Variants in SAXO2 observed in about 807,000 individuals in gnomAD.
The protein encoded by SAXO2 is family with sequence similarity 154, member B.
A neutral mutation model predicts 18.7 loss-of-function variants in SAXO2; 17 were observed. That is an observed-to-expected ratio of 0.91 (90% confidence interval 0.62 to 1.36). The LOEUF (loss-of-function observed/expected upper bound fraction) is 1.36, where lower values mean the gene tolerates loss of function less well. SAXO2 is among the 40% of genes most tolerant of loss of function. SAXO2 has a pLI of 0.00. For missense variants in SAXO2, 486 were observed against 562.6 expected, an observed-to-expected ratio of 0.86 and a Z score of 1.38; for synonymous variants, 163 against 181.2, an observed-to-expected ratio of 0.90 and a Z score of 0.81.
Position 82,282,294 on chromosome 15 carries a change from C to G in SAXO2, c.609C>G (p.Ala203=). Reference sequence around the variant, plus strand: ...CCTCTGTGGTCAAACGTTCTACAGCCCCTTTTAATGGTATTACAAGTCATC... The same window carrying G: ...CCTCTGTGGTCAAACGTTCTACAGCGCCTTTTAATGGTATTACAAGTCATC... The part of the protein sequence containing the change: ...KPSSVVKRST[A]PFNGITSHRL... Residue 203 remains alanine, a synonymous_variant, in exon 4 of 4, where the codon GCC becomes GCG. Coordinates refer to ENST00000682753, the MANE Select transcript of SAXO2 (RefSeq NM_001348699.2). 6.2e-7 allele frequency: 1 copy of G among 1,614,122 alleles called. No individual in the cohort carries two copies. Among genetic ancestry groups the G allele is most frequent in the African/African-American group, 1.3e-5 (1 of 75,036 alleles).
At chr15:82,265,921 TTAAG>T (rs1596025780) in intron 2 of SAXO2, among the ~76,000 whole-genome samples, 173 bp downstream of exon 2, 1 of 151,636 alleles carries the variant, frequency 6.6e-6, no homozygotes, top group Non-Finnish European at 1.5e-5. Flanking sequence ...AAAATGAGAA[TTAAG>T]TTAGGTTGAC....
intron 3 of SAXO2, among the ~76,000 whole-genome samples, chr15:82,281,415 C>T (rs1165704387): frequency 1.3e-5 from 2 of 152,032 alleles, no homozygotes; most frequent in African/African-American, 4.8e-5. Flanking sequence ...TGAAATTCTA[C>T]AATTTCAAAC....
chr15:82,282,302 A>G lies in SAXO2; in HGVS notation c.617A>G (p.Asn206Ser), dbSNP rs1248046974. 2 of 1,614,172 alleles carry G rather than the reference A, an allele frequency of 1.2e-6. No homozygotes were observed. The highest frequency in any genetic ancestry group is 1.7e-6 in the Non-Finnish European group (2 of 1,180,030). The change falls in exon 4 of 4, where the codon AAT becomes AGT. Residue 206 changes from asparagine (N) to serine (S), a missense_variant. Transcript: ENST00000682753. ...SVVKRSTAPFNGITSHRLDYI... is the reference protein window; with the variant it reads ...SVVKRSTAPFSGITSHRLDYI... ...GTCAAACGTTCTACAGCCCCTTTTA[A>G]TGGTATTACAAGTCATCGCCTTGAT...
At chr15:82,279,649 T>C (rs969232875) in intron 3 of SAXO2, among the ~76,000 whole-genome samples, 9 of 152,252 alleles carry the variant, frequency 5.9e-5, no homozygotes, top group African/African-American at 1.9e-4. Flanking sequence ...ATTGGTGATA[T>C]GTAGATTGAA....
At chr15:82,263,073 T>C in intron 1 of SAXO2, 141 bp downstream of exon 1, 1 of 1,511,950 alleles carries the variant, frequency 6.6e-7, no homozygotes, top group Non-Finnish European at 8.8e-7. Flanking sequence ...CATCCCCACT[T>C]ATCCCGCTCC....
In SAXO2 at chr15:82,270,019, T is replaced by C. The variant is rs184691382; in HGVS notation, c.234-1584T>C. The stretch of plus-strand genomic sequence containing the variant: ...TATTGAGGGGAAATAGCGAGTTGAT[T>C]TGGGACGTATTAAGTGTTGAGTTGC... On this transcript the variant is annotated intron_variant, in intron 2 of 3. Transcript: ENST00000682753. 2.4e-3 allele frequency among the ~76,000 whole-genome samples: 361 copies of C among 152,248 alleles called. 3 individuals carry two copies. Among genetic ancestry groups the C allele is most frequent in the African/African-American group, 8.4e-3 (348 of 41,562 alleles).
At chr15:82,278,790 CA>C (rs1385942431) in intron 3 of SAXO2, among the ~76,000 whole-genome samples, 4 of 151,984 alleles carry the variant, frequency 2.6e-5, no homozygotes, top group Non-Finnish European at 5.9e-5. Flanking sequence ...AATTAAACAG[CA>C]AAATCCTAAA....
rs1232484353 is a variant in SAXO2 at position 82,265,625 on chromosome 15, G to C, written c.110G>C (p.Cys37Ser). 1.4e-6 allele frequency: 2 copies of C among 1,473,342 alleles called. No homozygotes were observed. The highest frequency in any genetic ancestry group is 9.0e-7 in the Non-Finnish European group (1 of 1,117,118). The allele number at this position is 1,473,342 out of a possible 1,614,324, so 91.3% of individuals were successfully genotyped here. A position where few individuals can be genotyped will look rare whatever the true frequency, so the allele number is the denominator to read the frequency against. ...TRIYENSGVF[C>S]PTTEYLEKYP... ...ATTTATGAAAATTCTGGGGTGTTTT[G>C]CCCTACAACTGAATATTTGGAAAAA... Residue 37 changes from cysteine (C) to serine (S), a missense_variant, in exon 2 of 4, where the codon TGC becomes TCC. Physicochemically the swap from Cys to Ser is moderately radical, Grantham distance 112 (BLOSUM62 -1). Coordinates refer to ENST00000682753, the MANE Select transcript of SAXO2 (RefSeq NM_001348699.2).
At chr15:82,263,216 G>A (rs1357607004) in intron 1 of SAXO2, 3 of 1,460,728 alleles carry the variant, frequency 2.1e-6, no homozygotes, top group Non-Finnish European at 2.7e-6. Context: ...AGCCGCGACG[G>A]GATATAACGC....
intron 2 of SAXO2, among the ~76,000 whole-genome samples, chr15:82,270,446 T>C (rs142816772): frequency 0.011 from 1,727 of 152,254 alleles, 30 homozygotes; most frequent in African/African-American, 0.035. Context: ...CATTGTGAAC[T>C]TTAGAGCTGT....
chr15:82,268,869 A>G (rs1313571041), intron 2 of SAXO2, among the ~76,000 whole-genome samples: 1 of 152,222 alleles, frequency 6.6e-6, no homozygotes, highest in Non-Finnish European at 1.5e-5. Flanking sequence ...GTTTGGAGGC[A>G]TACTTTCTGA....
In SAXO2 at chr15:82,283,021, A is replaced by G. The variant is rs769704151; in HGVS notation, c.1336A>G (p.Lys446Glu). The G allele has an allele frequency of 3.7e-6, 6 of 1,613,642 alleles. No homozygotes were observed. In the South Asian group the frequency reaches 6.6e-5, roughly 18 times the overall value. Residue 446 changes from lysine (K) to glutamate (E), a missense_variant, in exon 4 of 4, where the codon AAA (lysine) becomes GAA (glutamate). By Grantham distance (56) the Lys-to-Glu change is moderately conservative. Transcript: ENST00000682753. ...IFDNTNSQGH[K>E]FFRKIIPAVK... ...CGACAATACAAATTCCCAAGGTCAT[A>G]AATTCTTCCGCAAGATTATTCCTGC...
intron 1 of SAXO2, among the ~76,000 whole-genome samples, chr15:82,263,860 G>C (rs2075171620): frequency 6.6e-6 from 1 of 151,970 alleles, no homozygotes; most frequent in African/African-American, 2.4e-5. Flanking sequence ...GGAATGGCGT[G>C]ATTTTACTTC....
At position 82,282,891 on chromosome 15, in the gene SAXO2, G is replaced by T; in HGVS notation, c.1206G>T (p.Lys402Asn). 6.2e-7 allele frequency: 1 copy of T among 1,614,000 alleles called. No individual in the cohort carries two copies. Among genetic ancestry groups the T allele is most frequent in the Non-Finnish European group, 8.5e-7 (1 of 1,179,976 alleles). Residue 402 changes from lysine (K) to asparagine (N), a missense_variant, in exon 4 of 4, where the codon AAG becomes AAT. Lys to Asn is a moderately conservative substitution (Grantham distance 94). Coordinates refer to ENST00000682753, the MANE Select transcript of SAXO2 (RefSeq NM_001348699.2). ...GCAAACCTTTAAATATTGCTTTTAA[G>T]AGTTCTGTTCCATTTGATGATGTAA... ...ESCKPLNIAF[K>N]SSVPFDDVTM...
intron 1 of SAXO2, chr15:82,263,218 A>C: frequency 2.1e-6 from 3 of 1,463,246 alleles, no homozygotes; most frequent in Non-Finnish European, 2.7e-6. Context: ...CCGCGACGGG[A>C]TATAACGCTG....
chr15:82,274,744 A>G (rs1352059795), intron 3 of SAXO2, among the ~76,000 whole-genome samples: 1 of 151,784 alleles, frequency 6.6e-6, no homozygotes, highest in East Asian at 1.9e-4. Context: ...AAAAATAGAG[A>G]CACAACATAC....
In SAXO2 at chr15:82,283,054, G is replaced by GC; in HGVS notation, c.1371dup (p.Phe458LeufsTer13). 1 of 1,603,518 alleles carries GC rather than the reference G, an allele frequency of 6.2e-7. No homozygotes were observed. On this transcript the variant is annotated frameshift_variant, in exon 4 of 4. Coordinates refer to ENST00000682753, the MANE Select transcript of SAXO2 (RefSeq NM_001348699.2). LOFTEE classifies it high-confidence loss of function. ...CCGCAAGATTATTCCTGCAGTGAAG[G>GC]CCTTCTAATAACCAAAATGTGCTTA...
chr15:82,282,442 G>C lies in SAXO2; in HGVS notation c.757G>C (p.Gly253Arg), dbSNP rs768951862. 37 of 1,614,066 alleles carry C rather than the reference G, an allele frequency of 2.3e-5. No homozygotes were observed. Among genetic ancestry groups the C allele is most frequent in the Non-Finnish European group, 3.1e-5 (36 of 1,180,028 alleles). ...THRCDFQGLI[G>R]ETAKLCRPVH... is the part of the protein sequence containing the mutation. Reference sequence around the variant, plus strand: ...CCGGTGTGACTTTCAGGGTCTCATTGGTGAAACTGCAAAACTCTGCAGACC... The same window carrying C: ...CCGGTGTGACTTTCAGGGTCTCATTCGTGAAACTGCAAAACTCTGCAGACC... Residue 253 changes from glycine (G) to arginine (R), a missense_variant, in exon 4 of 4, where the codon GGT (glycine) becomes CGT (arginine). Transcript: ENST00000682753.
chr15:82,271,508 A>G, intron 2 of SAXO2, 95 bp from the exon 3 acceptor site: 3 of 1,073,100 alleles, frequency 2.8e-6, no homozygotes, highest in Non-Finnish European at 3.9e-6. Flanking sequence ...TTTCCAGTAA[A>G]AAAGAAAAAA....
Sources: allele counts gnomAD v4.1 joint callset (sites outside exome capture counted in the v4.1 genomes callset), GRCh38; gene constraint gnomAD v4.1.1; transcripts MANE v1.5; gene names NCBI Gene and HGNC (gene_info 2026-07-23, HGNC 2026-07-21).